SGCD: variants seen among roughly 807,000 people sequenced by gnomAD.
The protein encoded by SGCD is sarcoglycan delta.
Under a neutral mutation model 36.6 loss-of-function variants are expected in SGCD, and 18 were observed. The ratio of observed to expected loss-of-function variants is 0.49; its 90% CI spans 0.34 to 0.73. SGCD has a LOEUF of 0.73. Ranked by LOEUF, SGCD falls within the 30% of genes least tolerant of loss-of-function variation. The pLI, the probability that SGCD is intolerant of heterozygous loss-of-function variation, is 0.01. For missense variants in SGCD, 387 were observed against 346.7 expected (o/e 1.12, Z -0.92); for synonymous variants, 133 against 130.6 (o/e 1.02, Z -0.12).
At chr5:156,266,069 A>T (rs1188130704) in intron 3 of SGCD, among the ~76,000 whole-genome samples, 1 of 152,228 alleles carries the variant, frequency 6.6e-6, no homozygotes, top group Non-Finnish European at 1.5e-5. Context: ...AGACAACTGA[A>T]TGTTAGTGTT....
chr5:156,732,296 G>A (rs559650986), intron 7 of SGCD, among the ~76,000 whole-genome samples: 21 of 151,436 alleles, frequency 1.4e-4, no homozygotes, highest in African/African-American at 3.4e-4. Flanking sequence ...TTAGTTTATC[G>A]TGTTTTTAAC....
chr5:156,096,834 T>TAAGAAGAA (rs1233642603), intron 1 of SGCD, among the ~76,000 whole-genome samples: 1 of 152,240 alleles, frequency 6.6e-6, no homozygotes, highest in Non-Finnish European at 1.5e-5. Flanking sequence ...GATTCTTTTA[T>TAAGAAGAA]TCTTTCCTTT....
intron 3 of SGCD, among the ~76,000 whole-genome samples, chr5:156,289,738 C>G (rs1329084242): frequency 6.6e-6 from 1 of 152,050 alleles, no homozygotes; most frequent in Non-Finnish European, 1.5e-5. Flanking sequence ...AGGCTAGTCG[C>G]TAACCCCTCG....
rs1046314983 is a variant in SGCD, at chr5:156,673,710, A to G, written c.575+26174A>G. On this transcript the variant is annotated intron_variant, in intron 7 of 8. Coordinates refer to ENST00000337851, the MANE Select transcript of SGCD (RefSeq NM_000337.6). ...ATAGAAAATAGATGCTAATAAATTC[A>G]GGGTCTTAAAAATGTGAATTATAGT... Among the ~76,000 whole-genome samples the G allele has an allele frequency of 7.9e-5, 12 of 152,218 alleles. 1 individual carries two copies. Among genetic ancestry groups the G allele is most frequent in the Admixed American group, 5.9e-4 (9 of 15,274 alleles).
intron 3 of SGCD, among the ~76,000 whole-genome samples, chr5:156,452,298 C>G (rs1485328947): frequency 6.6e-6 from 1 of 151,712 alleles, no homozygotes; most frequent in Non-Finnish European, 1.5e-5. Context: ...TAGGTATAGT[C>G]TCTCACTAAG....
chr5:155,845,118 C>T, the SGCD span, among the ~76,000 whole-genome samples: 1 of 152,142 alleles, frequency 6.6e-6, no homozygotes, highest in South Asian at 2.1e-4. Flanking sequence ...TGAGTGAGAA[C>T]ATGCAGTGTT....
At chr5:156,095,271 T>C (rs1175918863) in intron 1 of SGCD, among the ~76,000 whole-genome samples, 1 of 152,074 alleles carries the variant, frequency 6.6e-6, no homozygotes, top group Non-Finnish European at 1.5e-5. Flanking sequence ...AAAAAAGAGG[T>C]CCACGTGCAG....
At chr5:156,514,591 C>T (rs568824798) in intron 4 of SGCD, among the ~76,000 whole-genome samples, 52 of 152,302 alleles carry the variant, frequency 3.4e-4, no homozygotes, top group African/African-American at 1.2e-3. Context: ...AAAATCTTGG[C>T]TCTGCCTATC....
the SGCD span, among the ~76,000 whole-genome samples, chr5:155,779,307 G>A: frequency 1.4e-4 from 22 of 152,130 alleles, no homozygotes; most frequent in Non-Finnish European, 7.4e-5. Flanking sequence ...GTGTGATGGT[G>A]CATTCCTGTG....
intron 1 of SGCD, among the ~76,000 whole-genome samples, chr5:155,879,243 G>A (rs1341454187): frequency 6.6e-6 from 1 of 152,124 alleles, no homozygotes; most frequent in Non-Finnish European, 1.5e-5. Context: ...TAAAACTCAT[G>A]AATGTGGCCT....
chr5:156,723,878 T>TATGC (rs1554133227), intron 7 of SGCD, among the ~76,000 whole-genome samples: 1 of 151,496 alleles, frequency 6.6e-6, no homozygotes, highest in African/African-American at 2.4e-5. Flanking sequence ...TGTGTGTGTG[T>TATGC]ATGCATGCAT....
At chr5:155,783,288 G>A in the SGCD span, among the ~76,000 whole-genome samples, 1 of 152,106 alleles carries the variant, frequency 6.6e-6, no homozygotes, top group East Asian at 1.9e-4. Flanking sequence ...AAGGACGAAT[G>A]ACAGAAATAT....
the SGCD span, among the ~76,000 whole-genome samples, chr5:155,838,790 AAAC>A: frequency 0.026 from 3,911 of 149,676 alleles, 70 homozygotes; most frequent in East Asian, 0.12. Flanking sequence ...AAAAAAAAAA[AAAC>A]AATTCAATCT....
intron 3 of SGCD, among the ~76,000 whole-genome samples, chr5:156,358,163 AC>A (rs1339975397): frequency 6.6e-6 from 1 of 152,182 alleles, no homozygotes; most frequent in Non-Finnish European, 1.5e-5. Context: ...TGTCCATAAA[AC>A]CCAAAGACAG....
At position 156,214,779 on chromosome 5, in the gene SGCD, C is replaced by T. The variant is rs138662413; in HGVS notation, c.-44+90760C>T. On this transcript the variant is annotated intron_variant, in intron 3 of 9. Coordinates refer to the SGCD transcript ENST00000517913. ...AGACCAATGGAATGGAATAGAGACTCCAGAAATAAATCCACGCATTTACAG... is the reference window on the plus strand; with the variant it reads ...AGACCAATGGAATGGAATAGAGACTTCAGAAATAAATCCACGCATTTACAG... Among the ~76,000 whole-genome samples, 1,189 of 152,034 alleles carry T rather than the reference C, an allele frequency of 7.8e-3. 5 individuals carry two copies. The highest frequency in any genetic ancestry group is 0.011 in the Non-Finnish European group (751 of 67,852).
chr5:155,898,259 C>A (rs1362322820), intron 1 of SGCD, among the ~76,000 whole-genome samples: 2 of 152,126 alleles, frequency 1.3e-5, no homozygotes, highest in Non-Finnish European at 2.9e-5. Context: ...ACATATTTTT[C>A]TTTAATAGCA....
chr5:156,157,181 A>G (rs997085479), intron 3 of SGCD, among the ~76,000 whole-genome samples: 2 of 151,778 alleles, frequency 1.3e-5, no homozygotes, highest in Admixed American at 6.5e-5. Context: ...TGTGGTCACC[A>G]TAGTAAAAGT....
intron 2 of SGCD, among the ~76,000 whole-genome samples, chr5:156,122,843 TAAAAAAAAAAAAAAA>T (rs33983852): frequency 3.0e-3 from 163 of 54,156 alleles, no homozygotes; most frequent in African/African-American, 9.1e-3. Context: ...AAAGATGTGG[TAAAAAAAAAAAAAAA>T]AAAAAAAAAA....
intron 3 of SGCD, among the ~76,000 whole-genome samples, chr5:156,210,117 A>T (rs1378764263): frequency 6.6e-6 from 1 of 151,970 alleles, no homozygotes. Context: ...AAAAAGGTGG[A>T]CTCCTATAGA....
Sources: gnomAD v4.1 joint callset for allele counts (sites outside exome capture counted in the v4.1 genomes callset) on GRCh38, gnomAD v4.1.1 for gene constraint, MANE v1.5 for transcripts, NCBI Gene and HGNC (gene_info 2026-07-23, HGNC 2026-07-21) for gene names.